The following GPR158 variants were observed in gnomAD, a reference collection of about 807,000 sequenced individuals.
The protein encoded by GPR158 is metabotropic glycine receptor.
A neutral mutation model predicts 78.2 loss-of-function variants in GPR158; 30 were observed. The ratio of observed to expected loss-of-function variants is 0.38; its 90% CI spans 0.29 to 0.52. GPR158 has a LOEUF of 0.52. Among genes scored for constraint, GPR158 ranks in the 20% least tolerant of loss-of-function variants. The probability of loss-of-function intolerance (pLI) is 0.83; values close to 1 mark genes in which losing one functional copy is unlikely to be tolerated. For synonymous variants in GPR158, 581 were observed against 591.1 expected (o/e 0.98, Z 0.25); for missense variants, 1,463 against 1,523.5 (o/e 0.96, Z 0.66).
At chr10:25,384,890 G>A (rs1834202025) in intron 2 of GPR158, among the ~76,000 whole-genome samples, 3 of 152,082 alleles carry the variant, frequency 2.0e-5, no homozygotes, top group East Asian at 3.8e-4. Context: ...ATTGCAATAC[G>A]ACCTTTAATG....
intron 5 of GPR158, among the ~76,000 whole-genome samples, chr10:25,545,502 T>G (rs1366328435): frequency 6.6e-6 from 1 of 152,146 alleles, no homozygotes; most frequent in Non-Finnish European, 1.5e-5. Flanking sequence ...ACATAAATGT[T>G]TTCTTTGGAA....
intron 2 of GPR158, among the ~76,000 whole-genome samples, chr10:25,348,676 A>G (rs1206726288): frequency 6.6e-6 from 1 of 151,956 alleles, no homozygotes; most frequent in Non-Finnish European, 1.5e-5. Context: ...ACAAGTAATG[A>G]GTTTGTAGTA....
intron 2 of GPR158, among the ~76,000 whole-genome samples, chr10:25,305,017 C>G (rs921967662): frequency 2.0e-5 from 3 of 152,192 alleles, no homozygotes; most frequent in Admixed American, 1.3e-4. Flanking sequence ...TTCTAGGGCT[C>G]TACCTGTTCA....
rs193058198 is a variant in GPR158, at chr10:25,466,221, T to A, written c.1336-430T>A. 117 of 155,780 alleles carry A rather than the reference T, an allele frequency of 7.5e-4. 2 individuals are homozygous for A. The highest frequency in any genetic ancestry group is 3.3e-3 in the Middle Eastern group (1 of 302). The allele number at this position is 155,780 out of a possible 1,614,324, so 9.6% of individuals were successfully genotyped here. A position where few individuals can be genotyped will look rare whatever the true frequency, so the allele number is the denominator to read the frequency against. ...AATAAATCTTGCCACCGCACACTCT[T>A]TGGGTCTGTGTATTTGTCTAATCAA... On this transcript the variant is annotated intron_variant, in intron 4 of 10. Coordinates refer to ENST00000376351, the MANE Select transcript of GPR158 (RefSeq NM_020752.3).
intron 6 of GPR158, among the ~76,000 whole-genome samples, chr10:25,552,659 G>A (rs1836741557): frequency 6.6e-6 from 1 of 152,200 alleles, no homozygotes; most frequent in Non-Finnish European, 1.5e-5. Context: ...ATACATATGA[G>A]TAGATGAGTG....
chr10:25,598,250 T>C lies in GPR158; in HGVS notation c.2624T>C (p.Leu875Ser). The change falls in exon 11 of 11, where the codon TTG (leucine) becomes TCG (serine). Residue 875 changes from leucine (L) to serine (S), a missense_variant. Leu to Ser is a moderately radical substitution (Grantham distance 145). Coordinates refer to ENST00000376351, the MANE Select transcript of GPR158 (RefSeq NM_020752.3). ...GCTGAGTCCACGGAGTCGGTGCCGT[T>C]GGTGTGCAAGTCAGCAAGCGCTCAC... is the stretch of plus-strand genomic sequence containing the variant. The part of the protein sequence containing the change: ...SEAESTESVP[L>S]VCKSASAHNL... The C allele has an allele frequency of 6.2e-7, 1 of 1,614,054 alleles. No homozygotes were observed.
chr10:25,306,113 G>A (rs1854673392), intron 2 of GPR158, among the ~76,000 whole-genome samples: 2 of 151,906 alleles, frequency 1.3e-5, no homozygotes, highest in African/African-American at 4.8e-5. Flanking sequence ...TTTGTTCCCT[G>A]TTTTTCTCTT....
intron 1 of GPR158, among the ~76,000 whole-genome samples, chr10:25,200,887 T>TC (rs35517658): frequency 2.8e-5 from 4 of 143,154 alleles, no homozygotes; most frequent in Admixed American, 2.1e-4. Flanking sequence ...TTTTTTTTTT[T>TC]CAGTACCATG....
intron 2 of GPR158, among the ~76,000 whole-genome samples, chr10:25,372,706 T>G (rs1320680921): frequency 2.6e-3 from 225 of 85,202 alleles, no homozygotes; most frequent in African/African-American, 9.7e-3. Context: ...TGGGGACTGT[T>G]GTGGGGTGGG....
intron 3 of GPR158, among the ~76,000 whole-genome samples, chr10:25,410,857 A>G (rs1022032691): frequency 9.2e-5 from 14 of 152,290 alleles, no homozygotes; most frequent in African/African-American, 3.1e-4. Context: ...TGCTTTTGCT[A>G]TTGTCTTTAC....
At chr10:25,271,070 G>A (rs1854112042) in intron 2 of GPR158, among the ~76,000 whole-genome samples, 1 of 152,092 alleles carries the variant, frequency 6.6e-6, no homozygotes, top group Non-Finnish European at 1.5e-5. Flanking sequence ...CCAGTGTTCC[G>A]AGCTGCCTCC....
chr10:25,284,372 A>G (rs1854317887), intron 2 of GPR158, among the ~76,000 whole-genome samples: 1 of 151,968 alleles, frequency 6.6e-6, no homozygotes, highest in Admixed American at 6.6e-5. Flanking sequence ...TAATTATGTA[A>G]TGTCTCTCTT....
chr10:25,493,931 G>A (rs1835844969), intron 5 of GPR158, among the ~76,000 whole-genome samples: 1 of 152,144 alleles, frequency 6.6e-6, no homozygotes, highest in South Asian at 2.1e-4. Context: ...CCTTATGGCT[G>A]CTTAGGGTGT....
chr10:25,538,154 T>C (rs1374051015), intron 5 of GPR158, among the ~76,000 whole-genome samples: 1 of 152,180 alleles, frequency 6.6e-6, no homozygotes, highest in Admixed American at 6.5e-5. Flanking sequence ...TGCAGTTTGC[T>C]CATAAGGATA....
chr10:25,558,953 A>C (rs1836824419), intron 6 of GPR158, among the ~76,000 whole-genome samples: 2 of 152,170 alleles, frequency 1.3e-5, no homozygotes, highest in African/African-American at 4.8e-5. Context: ...CTTGAGAAGA[A>C]CGTGTTTTCT....
At chr10:25,372,731 A>C (rs1274916639) in intron 2 of GPR158, among the ~76,000 whole-genome samples, 1 of 113,294 alleles carries the variant, frequency 8.8e-6, no homozygotes, top group African/African-American at 3.3e-5. Context: ...GGGGGGAGGG[A>C]TAGCACTGGG....
chr10:25,302,893 A>G (rs907068850), intron 2 of GPR158, among the ~76,000 whole-genome samples: 1 of 152,212 alleles, frequency 6.6e-6, no homozygotes, highest in Non-Finnish European at 1.5e-5. Context: ...AAGAAGAAAC[A>G]GCAATCAGAT....
intron 2 of GPR158, among the ~76,000 whole-genome samples, chr10:25,278,330 G>A (rs1352190001): frequency 6.6e-6 from 1 of 152,072 alleles, no homozygotes; most frequent in Non-Finnish European, 1.5e-5. Flanking sequence ...CAGGTGAAGA[G>A]AGAATTAATA....
intron 2 of GPR158, among the ~76,000 whole-genome samples, chr10:25,338,620 A>AT (rs1180080891): frequency 5.4e-5 from 8 of 147,180 alleles, no homozygotes; most frequent in South Asian, 2.1e-4. Context: ...AAAATCATAT[A>AT]AATATATAAG....
Sources: allele counts gnomAD v4.1 joint callset (sites outside exome capture counted in the v4.1 genomes callset), GRCh38; gene constraint gnomAD v4.1.1; transcripts MANE v1.5; gene names NCBI Gene and HGNC (gene_info 2026-07-23, HGNC 2026-07-21).